The following PREX2 variants were observed in gnomAD, a reference collection of about 807,000 sequenced individuals.
PREX2 encodes phosphatidylinositol-3,4,5-trisphosphate dependent Rac exchange factor 2, also known as phosphatidylinositol 3,4,5-trisphosphate-dependent Rac exchanger 2 protein.
A neutral mutation model predicts 203.2 loss-of-function variants in PREX2; 107 were observed. The ratio of observed to expected loss-of-function variants is 0.53; its 90% confidence interval spans 0.45 to 0.62. PREX2 has a LOEUF of 0.62. PREX2 is among the 20% of genes least tolerant of loss of function. The pLI is 0.00. For synonymous variants in PREX2, 672 were observed against 663.6 expected (o/e 1.01, Z -0.19); for missense variants, 1,777 against 1,955.9 (o/e 0.91, Z 1.72).
At chr8:67,963,395 C>A (rs901491792) in intron 1 of PREX2, among the ~76,000 whole-genome samples, 12 of 152,170 alleles carry the variant, frequency 7.9e-5, no homozygotes, top group Middle Eastern at 3.4e-3. Flanking sequence ...TATGTCCTGT[C>A]AAAAATGGGC....
At position 68,235,739 on chromosome 8, in the gene PREX2, C is replaced by G. The variant is rs990725417; in HGVS notation, c.*4361C>G. On this transcript the variant is annotated 3_prime_UTR_variant, in exon 40 of 40. Coordinates refer to ENST00000288368, the MANE Select transcript of PREX2 (RefSeq NM_024870.4). ...CTAGGTGCTACAACTCCATACTAGT[C>G]ATTACAGTTAGTCTTTGGTTTCACA... The G allele has an allele frequency of 6.6e-6, 1 of 152,122 alleles. No individual in the cohort carries two copies. Among genetic ancestry groups the G allele is most frequent in the Non-Finnish European group, 1.5e-5 (1 of 68,018 alleles). 9.4% of individuals were successfully genotyped at this position (152,122 alleles called of 1,614,324 possible). A position where few individuals can be genotyped will look rare whatever the true frequency, so the allele number is the denominator to read the frequency against.
At chr8:68,214,751 G>T (rs879886749) in intron 37 of PREX2, among the ~76,000 whole-genome samples, 1 of 152,158 alleles carries the variant, frequency 6.6e-6, no homozygotes, top group Non-Finnish European at 1.5e-5. Flanking sequence ...GCTTTCTTTC[G>T]CATGCTTAGT....
chr8:67,952,750 G>A, intron 1 of PREX2: 1 of 671,866 alleles, frequency 1.5e-6, no homozygotes, highest in Non-Finnish European at 2.6e-6. Flanking sequence ...GAGTTGCGGG[G>A]GCCTTGGAGA....
chr8:68,138,500 A>G lies in PREX2; in HGVS notation c.4070A>G (p.Glu1357Gly). 1.3e-6 allele frequency: 2 copies of G among 1,589,834 alleles called. No homozygotes were observed. The highest frequency in any genetic ancestry group is 1.7e-6 in the Non-Finnish European group (2 of 1,163,406). ...KVSFYFKPSE[E>G]EPLVANVPLT... ...TCCTTTTACTTTAAACCATCAGAAG[A>G]GGAACCTCTGGTTGCAAGTAAGTAA... The change falls in exon 33 of 40, where the codon GAG becomes GGG. Residue 1357 changes from glutamate to glycine, a missense_variant. Transcript: ENST00000288368.
rs1318929739 is a variant in PREX2 at position 68,093,618 on chromosome 8, A to G, written c.2264A>G (p.Gln755Arg). The change falls in exon 21 of 40, where the codon CAA becomes CGA. Residue 755 changes from glutamine to arginine, a missense_variant. Coordinates refer to ENST00000288368, the MANE Select transcript of PREX2 (RefSeq NM_024870.4). ...CCTCATTTCCAGCAAGATTCCATAC[A>G]ATGGGTTTATAATAGCATTGAGAGT... The part of the protein sequence containing the change: ...YRRPTKQDSI[Q>R]WVYNSIESAQ... 1 of 1,580,904 alleles carries G rather than the reference A, an allele frequency of 6.3e-7. No homozygotes were observed. The highest frequency in any genetic ancestry group is 8.7e-7 in the Non-Finnish European group (1 of 1,154,468).
In PREX2 at chr8:68,080,956, CATA is replaced by C. The variant is rs1308088109; in HGVS notation, c.1878+121_1878+123del. On this transcript the variant is annotated intron_variant, in intron 17 of 39. Transcript: ENST00000288368. The stretch of plus-strand genomic sequence containing the variant: ...CAGCCTTGAAATTATCTTTATCAAA[CATA>C]ATGTCTCTGGATAATCTTACTCACA... 4.4e-6 allele frequency: 3 copies of C among 682,336 alleles called. No homozygotes were observed. In the African/African-American group the frequency reaches 5.5e-5, roughly 12 times the overall value. 42.3% of individuals were successfully genotyped at this position (682,336 alleles called of 1,614,324 possible). A position where few individuals can be genotyped will look rare whatever the true frequency, so the allele number is the denominator to read the frequency against.
intron 25 of PREX2, among the ~76,000 whole-genome samples, chr8:68,110,009 A>C (rs906231701): frequency 6.6e-6 from 1 of 152,218 alleles, no homozygotes; most frequent in Non-Finnish European, 1.5e-5. Context: ...GATATTTATA[A>C]AAGACATAAA....
chr8:68,061,327 C>T (rs764716879), intron 11 of PREX2, among the ~76,000 whole-genome samples: 2 of 152,198 alleles, frequency 1.3e-5, no homozygotes, highest in South Asian at 2.1e-4. Flanking sequence ...TATGAAGTCT[C>T]CTGCTGTGGC....
chr8:68,038,091 C>T (rs1411052838), intron 6 of PREX2, 68 bp from the exon 7 acceptor site: 34 of 1,502,036 alleles, frequency 2.3e-5, no homozygotes, highest in East Asian at 4.5e-5. Context: ...AATTGTAAGT[C>T]GAAAAATAAT....
chr8:68,068,391 T>C (rs1809082886), intron 11 of PREX2, among the ~76,000 whole-genome samples: 1 of 152,030 alleles, frequency 6.6e-6, no homozygotes, highest in Admixed American at 6.6e-5. Flanking sequence ...GGTCTTGTTT[T>C]CCAATAAGAA....
intron 39 of PREX2, among the ~76,000 whole-genome samples, chr8:68,228,605 A>G (rs1041569341): frequency 6.6e-6 from 1 of 151,868 alleles, no homozygotes; most frequent in African/African-American, 2.4e-5. Flanking sequence ...TACTAAAAAT[A>G]TAAAAAAAAA....
intron 1 of PREX2, among the ~76,000 whole-genome samples, chr8:68,007,248 C>T (rs1272318175): frequency 6.6e-6 from 1 of 152,106 alleles, no homozygotes; most frequent in African/African-American, 2.4e-5. Context: ...CACAGTTGAG[C>T]TTATTTAGTT....
rs535347083 is a variant in PREX2 at position 68,095,616 on chromosome 8, C to T, written c.2369-1401C>T. ...GTGTATATATATATCTTTCTTTCTT[C>T]CCTTCCTTTCCTTTCCTTTCCATTT... On this transcript the variant is annotated intron_variant, in intron 21 of 39. Coordinates refer to ENST00000288368, the MANE Select transcript of PREX2 (RefSeq NM_024870.4). Among the ~76,000 whole-genome samples the T allele has an allele frequency of 4.2e-5, 6 of 143,896 alleles. No homozygotes were observed. The South Asian group carries it at 6.8e-4, about 16-fold the overall frequency. 94.4% of individuals were successfully genotyped at this position (143,896 alleles called of 152,430 possible). A position where few individuals can be genotyped will look rare whatever the true frequency, so the allele number is the denominator to read the frequency against.
intron 11 of PREX2, among the ~76,000 whole-genome samples, chr8:68,067,057 G>A (rs1809036488): frequency 6.6e-6 from 1 of 151,968 alleles, no homozygotes; most frequent in Admixed American, 6.6e-5. Context: ...ATTTATTTCT[G>A]GGATCTGATC....
At chr8:68,106,727 A>G (rs1810421094) in intron 23 of PREX2, among the ~76,000 whole-genome samples, 1 of 152,158 alleles carries the variant, frequency 6.6e-6, no homozygotes, top group African/African-American at 2.4e-5. Flanking sequence ...TTAGATAATG[A>G]CCAGTCATAG....
intron 35 of PREX2, among the ~76,000 whole-genome samples, chr8:68,190,427 T>C (rs1000825123): frequency 6.6e-6 from 1 of 152,222 alleles, no homozygotes; most frequent in African/African-American, 2.4e-5. Context: ...TGAGATTATG[T>C]GCCTTGTAGC....
chr8:68,158,476 T>G (rs1811590812), intron 35 of PREX2, among the ~76,000 whole-genome samples: 1 of 152,044 alleles, frequency 6.6e-6, no homozygotes, highest in Admixed American at 6.6e-5. Context: ...TACAAATAGA[T>G]TTTTAAAGGA....
chr8:68,124,114 A>G (rs912608730), intron 30 of PREX2, among the ~76,000 whole-genome samples: 3 of 152,082 alleles, frequency 2.0e-5, no homozygotes, highest in Non-Finnish European at 1.5e-5. Flanking sequence ...GGTTCAACAT[A>G]CTCAAATCAA....
intron 22 of PREX2, among the ~76,000 whole-genome samples, chr8:68,097,604 C>T (rs903049431): frequency 1.3e-5 from 2 of 152,226 alleles, no homozygotes; most frequent in Non-Finnish European, 2.9e-5. Context: ...GGATTGCAGG[C>T]GTGAGCCGCT....
Sources: gnomAD v4.1 joint callset for allele counts (sites outside exome capture counted in the v4.1 genomes callset) on GRCh38, gnomAD v4.1.1 for gene constraint, MANE v1.5 for transcripts, NCBI Gene and HGNC (gene_info 2026-07-23, HGNC 2026-07-21) for gene names.